The following DDX20 variants were observed in gnomAD, a reference collection of about 807,000 sequenced individuals.
The protein encoded by DDX20 is probable ATP-dependent RNA helicase DDX20.
A neutral mutation model predicts 76.4 loss-of-function variants in DDX20; 61 were observed. The observed-to-expected ratio is 0.80, with a 90% CI of 0.65 to 0.99. The LOEUF is 0.99. Among genes scored for constraint, DDX20 ranks in the 50% least tolerant of loss-of-function variants. The pLI is 0.00. For missense variants in DDX20, 976 were observed against 996.8 expected, an observed-to-expected ratio of 0.98 and a Z score of 0.28; for synonymous variants, 357 against 357.4, an observed-to-expected ratio of 1.00 and a Z score of 0.01.
At chr1:111,762,445 C>A in intron 8 of DDX20, 108 bp downstream of exon 8, 2 of 943,350 alleles carry the variant, frequency 2.1e-6, no homozygotes, top group East Asian at 2.5e-5. Context: ...AACAAGAATA[C>A]CAGAAGATAA....
chr1:111,764,051 G>A (rs929317576), intron 10 of DDX20, among the ~76,000 whole-genome samples: 17 of 151,996 alleles, frequency 1.1e-4, no homozygotes, highest in Non-Finnish European at 1.2e-4. Flanking sequence ...AGGCTGAGGC[G>A]GGCGGATGAC....
Position 111,763,005 on chromosome 1 carries a change from C to T in DDX20, c.1310C>T (p.Pro437Leu), listed in dbSNP as rs199513956. 773 of 1,602,864 alleles carry T rather than the reference C, an allele frequency of 4.8e-4. No homozygotes were observed. The highest frequency in any genetic ancestry group is 6.3e-4 in the Non-Finnish European group (739 of 1,170,354). Residue 437 changes from proline (P) to leucine (L), a missense_variant and splice_region_variant, in exon 10 of 11, where the codon CCA becomes CTA. Coordinates refer to ENST00000369702, the MANE Select transcript of DDX20 (RefSeq NM_007204.5). ...TGTAATATCAACCTTCTCCCTTTACCAGGTACATTTCATCTGTTTCATTAT... is the reference window on the plus strand; with the variant it reads ...TGTAATATCAACCTTCTCCCTTTACTAGGTACATTTCATCTGTTTCATTAT... The part of the protein sequence containing the change: ...QKCNINLLPL[P>L]DPIPSGLMEE...
At chr1:111,757,336 C>T (rs3767589) in intron 2 of DDX20, among the ~76,000 whole-genome samples, 19,567 of 152,156 alleles carry the variant, frequency 0.13, 1,404 homozygotes, top group Admixed American at 0.18. Flanking sequence ...CAGGCATGAG[C>T]CACCACAGCC....
intron 2 of DDX20, 99 bp from the exon 3 acceptor site, chr1:111,759,301 A>C (rs936444441): frequency 2.3e-5 from 21 of 921,714 alleles, no homozygotes; most frequent in Non-Finnish European, 3.0e-5. Flanking sequence ...ATTTGAAATG[A>C]TCATTTAAAT....
In DDX20 at chr1:111,766,286, A is replaced by C; in HGVS notation, c.1862A>C (p.Asp621Ala). The C allele has an allele frequency of 6.2e-7, 1 of 1,614,146 alleles. No homozygotes were observed. The highest frequency in any genetic ancestry group is 8.5e-7 in the Non-Finnish European group (1 of 1,180,028). ...ATCAGGCACTACACAGGCCCTGGGG[A>C]TCAGACTGTGAATCCTCAAAATGGT... The part of the protein sequence containing the change: ...EIIRHYTGPG[D>A]QTVNPQNGFV... Residue 621 changes from aspartate (D) to alanine (A), a missense_variant, in exon 11 of 11, where the codon GAT becomes GCT. Physicochemically the swap from Asp to Ala is moderately radical, Grantham distance 126. Coordinates refer to ENST00000369702, the MANE Select transcript of DDX20 (RefSeq NM_007204.5).
intron 2 of DDX20, among the ~76,000 whole-genome samples, chr1:111,757,535 C>A (rs948720061): frequency 2.4e-4 from 36 of 152,112 alleles, no homozygotes; most frequent in Non-Finnish European, 3.8e-4. Context: ...ATTGGGGATT[C>A]AAAGATGAAT....
intron 3 of DDX20, 32 bp from the exon 4 acceptor site, chr1:111,760,442 C>T: frequency 1.4e-6 from 2 of 1,435,818 alleles, no homozygotes; most frequent in Non-Finnish European, 1.9e-6. Flanking sequence ...TTTGGTACAT[C>T]ATAAATATTT....
At chr1:111,759,662 T>C in intron 3 of DDX20, 94 bp downstream of exon 3, 2 of 1,289,086 alleles carry the variant, frequency 1.6e-6, no homozygotes, top group Middle Eastern at 1.9e-4. Flanking sequence ...TTGATAACTG[T>C]GATAATTATT....
chr1:111,756,087 G>A lies in DDX20; in HGVS notation c.163G>A (p.Asp55Asn). Residue 55 changes from aspartate (D) to asparagine (N), a missense_variant, in exon 1 of 11, where the codon GAT becomes AAT. By Grantham distance (23) the Asp-to-Asn change is conservative (BLOSUM62 1). Around this residue, in one of 3 missense-constraint regions of DDX20, gnomAD observed 343 missense variants for 286.4 expected, o/e 1.20. Transcript: ENST00000369702. ...CAGCAGCCCGCGGACCCGCACGGGG[G>A]ATGTGCTGTTGGCGGAGCCGGCCGA... ...DLSSPRTRTG[D>N]VLLAEPADFE... 3 of 1,604,658 alleles carry A rather than the reference G, an allele frequency of 1.9e-6. No homozygotes were observed. The highest frequency in any genetic ancestry group is 2.5e-6 in the Non-Finnish European group (3 of 1,179,282).
intron 10 of DDX20, among the ~76,000 whole-genome samples, chr1:111,765,079 A>T (rs942575912): frequency 6.6e-6 from 1 of 152,234 alleles, no homozygotes; most frequent in African/African-American, 2.4e-5. Flanking sequence ...AATTGATCAC[A>T]CTTTGAAAGG....
intron 3 of DDX20, 134 bp downstream of exon 3, chr1:111,759,702 C>T (rs1309669869): frequency 1.2e-5 from 11 of 946,218 alleles, no homozygotes; most frequent in Middle Eastern, 3.0e-4. Context: ...AGGCCGGGCG[C>T]GGTGGCTCAC....
rs142813636 is a variant in DDX20, at chr1:111,758,535, G to A, written c.397-865G>A. On this transcript the variant is annotated intron_variant, in intron 2 of 10. Coordinates refer to ENST00000369702, the MANE Select transcript of DDX20 (RefSeq NM_007204.5). The stretch of plus-strand genomic sequence containing the variant: ...TTTACTTTCCCCTGAATTCTGTCAT[G>A]TGGGCCTTCTTTTTCTTCCTCAAAT... Among the ~76,000 whole-genome samples, 122 of 152,082 alleles carry A rather than the reference G, an allele frequency of 8.0e-4. 1 individual carries two copies. Among genetic ancestry groups the A allele is most frequent in the African/African-American group, 2.9e-3 (122 of 41,476 alleles).
intron 10 of DDX20, among the ~76,000 whole-genome samples, chr1:111,765,443 G>C (rs1663759183): frequency 6.6e-6 from 1 of 152,136 alleles, no homozygotes; most frequent in Non-Finnish European, 1.5e-5. Context: ...GAGAAAAGAT[G>C]GGAGAATTGT....
chr1:111,759,842 C>T (rs1377589924), intron 3 of DDX20, among the ~76,000 whole-genome samples: 6 of 150,636 alleles, frequency 4.0e-5, no homozygotes, highest in Admixed American at 1.3e-4. Flanking sequence ...GGCGTGGTAG[C>T]GGGCGCCTGT....
rs1429387077 is a variant in DDX20 at position 111,756,081 on chromosome 1, A to G, written c.157A>G (p.Thr53Ala). The G allele has an allele frequency of 1.2e-6, 2 of 1,605,692 alleles. No homozygotes were observed. Among genetic ancestry groups the G allele is most frequent in the Admixed American group, 1.7e-5 (1 of 59,902 alleles). ...AQDLSSPRTR[T>A]GDVLLAEPAD... ...GGATCTCAGCAGCCCGCGGACCCGC[A>G]CGGGGGATGTGCTGTTGGCGGAGCC... Residue 53 changes from threonine to alanine, a missense_variant, in exon 1 of 11, where the codon ACG (threonine) becomes GCG (alanine). Transcript: ENST00000369702.
chr1:111,757,507 A>G (rs1663585245), intron 2 of DDX20, among the ~76,000 whole-genome samples: 1 of 152,206 alleles, frequency 6.6e-6, no homozygotes, highest in Admixed American at 6.5e-5. Flanking sequence ...CGTATTACGT[A>G]TAAACAGTGT....
At chr1:111,756,531 T>G in intron 1 of DDX20, 115 bp from the exon 2 acceptor site, 1 of 841,484 alleles carries the variant, frequency 1.2e-6, no homozygotes, top group East Asian at 2.6e-5. Flanking sequence ...CAACTAAAAA[T>G]GAAGGTGCCA....
rs753097408 is a variant in DDX20 at position 111,762,665 on chromosome 1, CTTCAA to C, written c.1105-6_1105-2del. 7 of 1,603,604 alleles carry C rather than the reference CTTCAA, an allele frequency of 4.4e-6. No individual in the cohort carries two copies. Among genetic ancestry groups the C allele is most frequent in the Admixed American group, 3.3e-5 (2 of 59,778 alleles). On this transcript the variant is annotated splice_polypyrimidine_tract_variant and splice_region_variant and intron_variant, in intron 8 of 10. Coordinates refer to ENST00000369702, the MANE Select transcript of DDX20 (RefSeq NM_007204.5). ...AATGCAAACAAATAATTGCTATCTT[CTTCAA>C]TTCAAGACTTCTCGTGGGATTGATG...
intron 2 of DDX20, among the ~76,000 whole-genome samples, chr1:111,758,023 T>G (rs1283979685): frequency 7.0e-6 from 1 of 143,008 alleles, no homozygotes; most frequent in Admixed American, 6.7e-5. Flanking sequence ...GCCCGGCTAA[T>G]TTTTTTGTAT....
Sources: gnomAD v4.1 joint callset for allele counts (sites outside exome capture counted in the v4.1 genomes callset) on GRCh38, gnomAD v4.1.1 for gene constraint, gnomAD v4.1.1 regional missense constraint, MANE v1.5 for transcripts, NCBI Gene and HGNC (gene_info 2026-07-23, HGNC 2026-07-21) for gene names.